Variants in NAALADL2 observed in about 807,000 individuals in gnomAD.
NAALADL2 encodes the protein N-acetylated alpha-linked acidic dipeptidase like 2, also known as inactive N-acetylated-alpha-linked acidic dipeptidase-like protein 2.
NAALADL2 carries 76 observed loss-of-function variants against 87.2 expected under a neutral mutation model. That is an observed-to-expected ratio of 0.87 (90% CI 0.72 to 1.05). The LOEUF (loss-of-function observed/expected upper bound fraction) is 1.05, where lower values mean the gene tolerates loss of function less well. NAALADL2 is among the 50% of genes least tolerant of loss of function. NAALADL2 has a pLI of 0.00. For synonymous variants in NAALADL2, 354 were observed against 331.0 expected (o/e 1.07, Z -0.75); for missense variants, 1,089 against 945.8 (o/e 1.15, Z -1.99).
intron 1 of NAALADL2, among the ~76,000 whole-genome samples, chr3:174,862,517 G>A (rs1323721744): frequency 6.6e-6 from 1 of 151,986 alleles, no homozygotes; most frequent in Admixed American, 6.6e-5. Context: ...TGGAAAATGG[G>A]GAAAGAATCT....
chr3:175,472,955 G>A (rs185798563), intron 9 of NAALADL2, among the ~76,000 whole-genome samples: 1 of 152,178 alleles, frequency 6.6e-6, no homozygotes, highest in Admixed American at 6.6e-5. Flanking sequence ...TGGATTATAA[G>A]GTAGAAGAAA....
intron 1 of NAALADL2, among the ~76,000 whole-genome samples, chr3:174,973,562 A>G (rs974281333): frequency 2.6e-5 from 4 of 152,338 alleles, no homozygotes; most frequent in Middle Eastern, 6.8e-3. Context: ...TATTAAGTTA[A>G]CACAAAGTCA....
chr3:175,018,543 T>C (rs1425852773), intron 1 of NAALADL2, among the ~76,000 whole-genome samples: 2 of 152,076 alleles, frequency 1.3e-5, no homozygotes, highest in Non-Finnish European at 2.9e-5. Flanking sequence ...TACTTGCTGG[T>C]TGATGACCAA....
intron 3 of NAALADL2, among the ~76,000 whole-genome samples, chr3:174,836,176 A>G (rs1406379438): frequency 6.6e-6 from 1 of 152,204 alleles, no homozygotes; most frequent in Non-Finnish European, 1.5e-5. Flanking sequence ...AAATTCTGAA[A>G]CATGCTGCAA....
chr3:175,065,694 A>G (rs1056518925), intron 1 of NAALADL2, among the ~76,000 whole-genome samples: 1 of 152,232 alleles, frequency 6.6e-6, no homozygotes, highest in African/African-American at 2.4e-5. Flanking sequence ...AGCTGGCTGC[A>G]ATCCTTGTCA....
chr3:175,140,599 T>C (rs1488972264), intron 2 of NAALADL2, among the ~76,000 whole-genome samples: 2 of 151,984 alleles, frequency 1.3e-5, no homozygotes, highest in African/African-American at 4.8e-5. Context: ...GAAAAATACA[T>C]ACCATGGGGG....
intron 3 of NAALADL2, among the ~76,000 whole-genome samples, chr3:174,761,284 G>C (rs554923922): frequency 6.6e-6 from 1 of 152,020 alleles, no homozygotes; most frequent in African/African-American, 2.4e-5. Context: ...TCTTTTTAAA[G>C]ATTTTTAATA....
chr3:175,372,096 A>G (rs2862046), intron 5 of NAALADL2, among the ~76,000 whole-genome samples: 1 of 151,886 alleles, frequency 6.6e-6, no homozygotes, highest in South Asian at 2.1e-4. Context: ...GGAGTTCACA[A>G]AATTTTTTTT....
intron 3 of NAALADL2, among the ~76,000 whole-genome samples, chr3:174,739,256 G>T (rs1379077658): frequency 6.6e-6 from 1 of 151,934 alleles, no homozygotes. Flanking sequence ...TTTATCAGAT[G>T]GTAATGGTAA....
chr3:174,459,939 A>G (rs1716091793), intron 1 of NAALADL2, among the ~76,000 whole-genome samples: 1 of 152,186 alleles, frequency 6.6e-6, no homozygotes, highest in Non-Finnish European at 1.5e-5. Flanking sequence ...AAGGAAACCT[A>G]CTTTATAGAT....
At chr3:175,060,549 T>A (rs1254491980) in intron 1 of NAALADL2, among the ~76,000 whole-genome samples, 1 of 152,262 alleles carries the variant, frequency 6.6e-6, no homozygotes, top group Admixed American at 6.5e-5. Context: ...ATGAATAGTA[T>A]GTTGTGTTTA....
At chr3:174,472,899 G>A (rs2108314232) in intron 1 of NAALADL2, among the ~76,000 whole-genome samples, 1 of 152,104 alleles carries the variant, frequency 6.6e-6, no homozygotes, top group African/African-American at 2.4e-5. Flanking sequence ...TGTGTTTATT[G>A]TGCAGTATCA....
intron 5 of NAALADL2, among the ~76,000 whole-genome samples, chr3:175,425,510 T>C (rs1380406902): frequency 1.3e-5 from 2 of 152,088 alleles, no homozygotes; most frequent in African/African-American, 4.8e-5. Flanking sequence ...AGGACAAACA[T>C]CTGCCATAAA....
At chr3:175,371,053 T>G (rs1304645817) in intron 5 of NAALADL2, among the ~76,000 whole-genome samples, 1 of 152,176 alleles carries the variant, frequency 6.6e-6, no homozygotes, top group Admixed American at 6.5e-5. Flanking sequence ...AAGGGTAGTT[T>G]GAACAGTATG....
At chr3:174,604,780 T>C (rs964481035) in intron 2 of NAALADL2, among the ~76,000 whole-genome samples, 1 of 151,998 alleles carries the variant, frequency 6.6e-6, no homozygotes, top group African/African-American at 2.4e-5. Context: ...CTTTTCTTTT[T>C]TTTTTTGAGA....
chr3:174,805,346 A>G (rs1719336914), intron 3 of NAALADL2, among the ~76,000 whole-genome samples: 1 of 152,112 alleles, frequency 6.6e-6, no homozygotes, highest in South Asian at 2.1e-4. Flanking sequence ...TCCTAGGATT[A>G]CTTCGTTGTT....
chr3:175,605,657 A>AT (rs1172475614), intron 10 of NAALADL2, among the ~76,000 whole-genome samples: 1 of 138,980 alleles, frequency 7.2e-6, no homozygotes, highest in Non-Finnish European at 1.5e-5. Flanking sequence ...TTTTTTTTTT[A>AT]ACTGTATTTA....
At chr3:175,556,297 C>G (rs1418591784) in intron 9 of NAALADL2, among the ~76,000 whole-genome samples, 1 of 152,026 alleles carries the variant, frequency 6.6e-6, no homozygotes, top group Non-Finnish European at 1.5e-5. Context: ...CTACTGGAGC[C>G]TCTACTACCT....
intron 3 of NAALADL2, among the ~76,000 whole-genome samples, chr3:174,848,248 A>G (rs1342279310): frequency 6.6e-6 from 1 of 152,040 alleles, no homozygotes; most frequent in Non-Finnish European, 1.5e-5. Flanking sequence ...ATTTTTTTCA[A>G]ATTTTCACAA....
Sources: gnomAD v4.1 joint callset for allele counts (sites outside exome capture counted in the v4.1 genomes callset) on GRCh38, gnomAD v4.1.1 for gene constraint, MANE v1.5 for transcripts, NCBI Gene and HGNC (gene_info 2026-07-23, HGNC 2026-07-21) for gene names.